The following MASP1 variants were observed in gnomAD, a reference collection of about 807,000 sequenced individuals.
MASP1 encodes the protein mannan-binding lectin serine protease 1.
In MASP1, 59 loss-of-function variants were observed where a neutral mutation model predicts 77.1. The ratio of observed to expected loss-of-function variants is 0.77; its 90% confidence interval spans 0.62 to 0.95. The LOEUF (loss-of-function observed/expected upper bound fraction) is 0.95, where lower values mean the gene tolerates loss of function less well. MASP1 is among the 40% of genes least tolerant of loss of function. The pLI is 0.00. For synonymous variants in MASP1, 362 were observed against 354.5 expected, an observed-to-expected ratio of 1.02 and a Z score of -0.24; for missense variants, 885 against 912.9, an observed-to-expected ratio of 0.97 and a Z score of 0.39.
chr3:187,288,297 A>C (rs1429078171), intron 1 of MASP1, among the ~76,000 whole-genome samples: 2 of 152,202 alleles, frequency 1.3e-5, no homozygotes, highest in African/African-American at 4.8e-5. Context: ...TGGAAAGCTG[A>C]GTCAAAAAAC....
In MASP1 at chr3:187,235,600, G is replaced by C; in HGVS notation, c.*84C>G. The C allele has an allele frequency of 6.3e-7, 1 of 1,599,020 alleles. No individual in the cohort carries two copies. Among genetic ancestry groups the C allele is most frequent in the Non-Finnish European group, 8.5e-7 (1 of 1,178,402 alleles). ...AGGTCAGTGTGTTCCATTCCATATGGTCTGATAAGTAATGTGGAGTGTGCT... is the reference window on the plus strand; with the variant it reads ...AGGTCAGTGTGTTCCATTCCATATGCTCTGATAAGTAATGTGGAGTGTGCT... On this transcript the variant is annotated 3_prime_UTR_variant, in exon 11 of 11. Transcript: ENST00000296280.
chr3:187,291,435 T>A (rs1041307622), intron 1 of MASP1, 193 bp downstream of exon 1: 2 of 690,022 alleles, frequency 2.9e-6, no homozygotes, highest in African/African-American at 3.6e-5. Flanking sequence ...GTTTTATGTC[T>A]CCTGGAGTCC....
rs1379549883 is a variant in MASP1, at chr3:187,234,571, C to A, written c.*1113G>T. ...CTTTTCACTGCCTGCCATGGGTGAG[C>A]CTCTGATTCCTTTGACTCTGAAAAA... is the stretch of plus-strand genomic sequence containing the variant. On this transcript the variant is annotated 3_prime_UTR_variant, in exon 11 of 11. Coordinates refer to ENST00000296280, the MANE Select transcript of MASP1 (RefSeq NM_139125.4). The A allele has an allele frequency of 7.8e-6, 10 of 1,287,126 alleles. No individual in the cohort carries two copies. Among genetic ancestry groups the A allele is most frequent in the Non-Finnish European group, 1.0e-5 (10 of 988,708 alleles). 79.7% of individuals were successfully genotyped at this position (1,287,126 alleles called of 1,614,324 possible). A position where few individuals can be genotyped will look rare whatever the true frequency, so the allele number is the denominator to read the frequency against.
intron 13 of MASP1, among the ~76,000 whole-genome samples, chr3:187,224,269 G>C (rs1473254049): frequency 5.3e-5 from 8 of 151,916 alleles, no homozygotes; most frequent in Admixed American, 5.2e-4. Context: ...GAGGCTTACT[G>C]AGGTTAAATA....
At chr3:187,218,506 G>A (rs1711870376) in exon 16 of MASP1, 1 of 152,558 alleles carries the variant, frequency 6.6e-6, no homozygotes, top group Non-Finnish European at 1.5e-5. Flanking sequence ...TAAACAGCAG[G>A]GCACAAAGAG....
intron 9 of MASP1, 182 bp downstream of exon 9, chr3:187,243,302 A>C: frequency 1.5e-6 from 1 of 686,956 alleles, no homozygotes. Context: ...CTCCACATGG[A>C]CACAGTAACA....
chr3:187,226,669 A>T lies in MASP1; in HGVS notation c.1442-149T>A, dbSNP rs182005954. 206 of 690,022 alleles carry T rather than the reference A, an allele frequency of 3.0e-4. No homozygotes were observed. In the African/African-American group the frequency reaches 3.1e-3, roughly 10 times the overall value. 42.7% of individuals were successfully genotyped at this position (690,022 alleles called of 1,614,324 possible). On this transcript the variant is annotated intron_variant, in intron 11 of 15. Transcript: ENST00000337774. ...TCTCCATTGTATTTTATGGCCCCCA[A>T]CTCAAATGCTCATATGATCCTAATC... is the stretch of plus-strand genomic sequence containing the variant.
At chr3:187,257,478 T>C (rs1715193298) in intron 4 of MASP1, among the ~76,000 whole-genome samples, 1 of 152,090 alleles carries the variant, frequency 6.6e-6, no homozygotes, top group South Asian at 2.1e-4. Context: ...CACCTCCACC[T>C]TCTCCCAGTG....
intron 8 of MASP1, 150 bp from the exon 9 acceptor site, chr3:187,243,771 G>A: frequency 5.4e-6 from 5 of 922,274 alleles, no homozygotes; most frequent in Admixed American, 3.6e-5. Context: ...CACCCCTGGG[G>A]TGTGCAGTGT....
In MASP1 at chr3:187,256,148, C is replaced by T. The variant is rs566223291; in HGVS notation, c.744+516G>A. ...GTGGTATTTGTTCCGTCTTTATTTG[C>T]CTTTGACATAGCCTCTTCCCGCAAG... On this transcript the variant is annotated intron_variant, in intron 5 of 10. Transcript: ENST00000296280. Among the ~76,000 whole-genome samples the T allele has an allele frequency of 8.5e-5, 13 of 152,224 alleles. No homozygotes were observed. In the South Asian group the frequency reaches 2.7e-3, roughly 32 times the overall value.
rs1560238181 is a variant in MASP1 at position 187,235,844 on chromosome 3, T to C, written c.2027A>G (p.Gln676Arg). 6.2e-7 allele frequency: 1 copy of C among 1,614,184 alleles called. No homozygotes were observed. ...GAFVIFDDLS[Q>R]RWVVQGLVSW... is the part of the protein sequence containing the mutation. The stretch of plus-strand genomic sequence containing the variant: ...CACCAGGCCTTGCACCACCCAGCGC[T>C]GGCTCAAGTCATCAAAGATGACAAA... Residue 676 changes from glutamine (Q) to arginine (R), a missense_variant, in exon 11 of 11, where the codon CAG becomes CGG. Physicochemically the swap from Gln to Arg is conservative, Grantham distance 43. Transcript: ENST00000296280.
At chr3:187,254,406 A>G (rs1235929662) in intron 5 of MASP1, among the ~76,000 whole-genome samples, 1 of 152,172 alleles carries the variant, frequency 6.6e-6, no homozygotes, top group African/African-American at 2.4e-5. Context: ...CTTTATAGGG[A>G]GAGAAAACTG....
Position 187,260,744 on chromosome 3 carries a change from G to T in MASP1, c.544C>A (p.Arg182=). 6.2e-7 allele frequency: 1 copy of T among 1,614,118 alleles called. No individual in the cohort carries two copies. The highest frequency in any genetic ancestry group is 8.5e-7 in the Non-Finnish European group (1 of 1,180,020). Reference sequence around the variant, plus strand: ...TACAATCATTGGTAGGCTCTACCTCGGCAGGTCCTGTTGTCTGTGTGGAGG... The same window carrying T: ...TACAATCATTGGTAGGCTCTACCTCTGCAGGTCCTGTTGTCTGTGTGGAGG... The part of the protein sequence containing the change: ...YILHTDNRTC[R]VECSDNLFTQ... The change falls in exon 4 of 11, where the codon CGA becomes AGA. Residue 182 remains arginine, a synonymous_variant. Coordinates refer to ENST00000296280, the MANE Select transcript of MASP1 (RefSeq NM_139125.4).
At chr3:187,223,222 A>G in intron 13 of MASP1, 1 of 1,600,042 alleles carries the variant, frequency 6.2e-7, no homozygotes, top group Non-Finnish European at 8.6e-7. Context: ...CTGTGAGAAC[A>G]GAGAAGCTAT....
intron 2 of MASP1, among the ~76,000 whole-genome samples, chr3:187,273,273 C>T (rs1716672247): frequency 1.3e-5 from 2 of 152,208 alleles, no homozygotes; most frequent in Admixed American, 1.3e-4. Context: ...CTAGAGAGAC[C>T]TCCCAGCCCA....
At chr3:187,268,788 C>T (rs746652400) in intron 2 of MASP1, among the ~76,000 whole-genome samples, 10 of 152,050 alleles carry the variant, frequency 6.6e-5, no homozygotes, top group Admixed American at 2.0e-4. Flanking sequence ...ATTTTAAGGC[C>T]GGGTGTGGTG....
intron 2 of MASP1, among the ~76,000 whole-genome samples, chr3:187,269,978 A>G (rs570202109): frequency 6.0e-4 from 92 of 152,376 alleles, no homozygotes; most frequent in African/African-American, 2.2e-3. Context: ...GGGCAAAAGC[A>G]CATTTCACAT....
At chr3:187,243,413 G>A (rs753041863) in intron 9 of MASP1, 71 bp downstream of exon 9, 82 of 1,540,452 alleles carry the variant, frequency 5.3e-5, no homozygotes, top group Non-Finnish European at 6.3e-5. Flanking sequence ...CAGCTGTCTC[G>A]GCCCCCAGTC....
At chr3:187,275,194 T>A (rs2108590542) in intron 2 of MASP1, among the ~76,000 whole-genome samples, 1 of 152,298 alleles carries the variant, frequency 6.6e-6, no homozygotes, top group Non-Finnish European at 1.5e-5. Context: ...GGTTGCTGTG[T>A]TCTTCTGCGG....
Sources: gnomAD v4.1 joint callset for allele counts (sites outside exome capture counted in the v4.1 genomes callset) on GRCh38, gnomAD v4.1.1 for gene constraint, MANE v1.5 for transcripts, NCBI Gene and HGNC (gene_info 2026-07-23, HGNC 2026-07-21) for gene names.